Variants in BORCS5 observed in about 807,000 individuals in gnomAD.
BORCS5 encodes BLOC-1-related complex subunit 5.
Under a neutral mutation model 22.1 loss-of-function variants are expected in BORCS5, and 17 were observed. That is an observed-to-expected ratio of 0.77 (90% CI 0.53 to 1.15). The LOEUF is 1.15. Among genes scored for constraint, BORCS5 ranks in the 50% most tolerant of loss-of-function variants. The probability of loss-of-function intolerance (pLI) is 0.00; values close to 1 mark genes in which losing one functional copy is unlikely to be tolerated. For synonymous variants in BORCS5, 117 were observed against 99.8 expected (o/e 1.17, Z -1.03); for missense variants, 247 against 253.2 (o/e 0.98, Z 0.17).
chr12:12,428,894 C>T (rs1195887138), intron 2 of BORCS5, among the ~76,000 whole-genome samples: 1 of 151,900 alleles, frequency 6.6e-6, no homozygotes, highest in Non-Finnish European at 1.5e-5. Context: ...GCAGAAAAAT[C>T]CTAAGTGTAA....
rs1863417023 is a variant in BORCS5, at chr12:12,366,846, T to G, written c.202+5497T>G. Among the ~76,000 whole-genome samples the G allele has an allele frequency of 2.0e-5, 3 of 152,238 alleles. No homozygotes were observed. In the South Asian group the frequency reaches 6.2e-4, roughly 31 times the overall value. ...ATATGTGCATATTTACACACATGCATGCATGTGACATTCTTTCCAACCGAT... is the reference window on the plus strand; with the variant it reads ...ATATGTGCATATTTACACACATGCAGGCATGTGACATTCTTTCCAACCGAT... On this transcript the variant is annotated intron_variant, in intron 2 of 3. Transcript: ENST00000314565.
At chr12:12,362,936 G>T (rs1863323828) in intron 2 of BORCS5, among the ~76,000 whole-genome samples, 1 of 151,740 alleles carries the variant, frequency 6.6e-6, no homozygotes, top group Non-Finnish European at 1.5e-5. Flanking sequence ...CAGGCGTGAG[G>T]CACCTTGCAT....
chr12:12,448,446 C>T (rs1293312174), intron 3 of BORCS5, among the ~76,000 whole-genome samples: 2 of 152,076 alleles, frequency 1.3e-5, no homozygotes, highest in African/African-American at 2.4e-5. Flanking sequence ...AACTCCTGAC[C>T]TCAGTTGATC....
At chr12:12,404,491 T>G (rs1317245548) in intron 2 of BORCS5, among the ~76,000 whole-genome samples, 1 of 152,076 alleles carries the variant, frequency 6.6e-6, no homozygotes. Context: ...GGGCAGCTAA[T>G]CCCATTTACC....
chr12:12,385,056 C>T (rs1175246196), intron 2 of BORCS5, among the ~76,000 whole-genome samples: 2 of 151,546 alleles, frequency 1.3e-5, no homozygotes, highest in Non-Finnish European at 3.0e-5. Context: ...AATGGCTCTG[C>T]GTGGCAGGGT....
At position 12,427,683 on chromosome 12, in the gene BORCS5, C is replaced by T. The variant is rs142011030; in HGVS notation, c.203-7945C>T. 1.6e-3 allele frequency among the ~76,000 whole-genome samples: 238 copies of T among 152,302 alleles called. No homozygotes were observed. The East Asian group carries it at 0.033, about 21-fold the overall frequency. On this transcript the variant is annotated intron_variant, in intron 2 of 3. Coordinates refer to ENST00000314565, the MANE Select transcript of BORCS5 (RefSeq NM_058169.6). The stretch of plus-strand genomic sequence containing the variant: ...TAAACCGGGTGGCTTAAACAGCAAG[C>T]ATTTATCTCTGATAGTTCTGGTGGC...
intron 2 of BORCS5, among the ~76,000 whole-genome samples, chr12:12,423,629 T>C (rs565142759): frequency 2.0e-5 from 3 of 152,084 alleles, no homozygotes; most frequent in Admixed American, 1.3e-4. Flanking sequence ...GATAATCTTA[T>C]TAAGGTTCCC....
intron 2 of BORCS5, among the ~76,000 whole-genome samples, chr12:12,398,654 G>A (rs1424658084): frequency 6.6e-6 from 1 of 152,108 alleles, no homozygotes; most frequent in Non-Finnish European, 1.5e-5. Context: ...CTGGAATACA[G>A]TGCTATCAAA....
In BORCS5 at chr12:12,465,830, C is replaced by T. The variant is rs569148759; in HGVS notation, c.*54C>T. On this transcript the variant is annotated 3_prime_UTR_variant, in exon 4 of 4. Transcript: ENST00000314565. Reference sequence around the variant, plus strand: ...GCCCCAGACACCGACACCCTGAGGACGTGTGGAGCTAAGGTCATATCATCT... The same window carrying T: ...GCCCCAGACACCGACACCCTGAGGATGTGTGGAGCTAAGGTCATATCATCT... 4.9e-5 allele frequency: 72 copies of T among 1,468,250 alleles called. No homozygotes were observed. The African/African-American group carries it at 5.1e-4, about 10-fold the overall frequency. The allele number at this position is 1,468,250 out of a possible 1,614,324, so 91.0% of individuals were successfully genotyped here.
intron 2 of BORCS5, among the ~76,000 whole-genome samples, chr12:12,370,955 T>A (rs1232474165): frequency 6.6e-6 from 1 of 152,132 alleles, no homozygotes; most frequent in African/African-American, 2.4e-5. Flanking sequence ...TTCACTGTGT[T>A]AGCCAGGGTG....
At chr12:12,358,414 G>A (rs1281261642) in intron 1 of BORCS5, among the ~76,000 whole-genome samples, 1 of 152,230 alleles carries the variant, frequency 6.6e-6, no homozygotes, top group Non-Finnish European at 1.5e-5. Flanking sequence ...ACATTCTGGG[G>A]ACTGGATTGG....
rs900921850 is a variant in BORCS5, at chr12:12,435,685, A to C, written c.260A>C (p.Gln87Pro). 2.5e-6 allele frequency: 4 copies of C among 1,614,008 alleles called. No individual in the cohort carries two copies. Among genetic ancestry groups the C allele is most frequent in the Non-Finnish European group, 3.4e-6 (4 of 1,180,018 alleles). ...GCCAAATTGGAGAAACTGGACTCTC[A>C]GCAGGTGTTGCAGCTCTGCCTCCGA... is the stretch of plus-strand genomic sequence containing the variant. The part of the protein sequence containing the change: ...TNAKLEKLDS[Q>P]QVLQLCLRYQ... Residue 87 changes from glutamine to proline, a missense_variant, in exon 3 of 4, where the codon CAG (glutamine) becomes CCG (proline). Physicochemically the swap from Gln to Pro is moderately conservative, Grantham distance 76. Coordinates refer to ENST00000314565, the MANE Select transcript of BORCS5 (RefSeq NM_058169.6).
rs573853353 is a variant in BORCS5, at chr12:12,357,504, C to G, written c.53C>G (p.Ser18Cys). The change falls in exon 1 of 4, where the codon TCC (serine) becomes TGC (cysteine). Residue 18 changes from serine to cysteine, a missense_variant. By Grantham distance (112) the Ser-to-Cys change is moderately radical (BLOSUM62 -1). Coordinates refer to ENST00000314565, the MANE Select transcript of BORCS5 (RefSeq NM_058169.6). Reference sequence around the variant, plus strand: ...GAGAGCCGACCCAACGATCTGAACTCCTCAGGTCGGTGTCCTAACCTCCCA... The same window carrying G: ...GAGAGCCGACCCAACGATCTGAACTGCTCAGGTCGGTGTCCTAACCTCCCA... ...EAESRPNDLN[S>C]SVTPSPAKHR... The G allele has an allele frequency of 1.9e-6, 3 of 1,609,252 alleles. No individual in the cohort carries two copies. Among genetic ancestry groups the G allele is most frequent in the Admixed American group, 1.7e-5 (1 of 59,922 alleles).
intron 2 of BORCS5, among the ~76,000 whole-genome samples, chr12:12,383,776 T>G (rs1863823390): frequency 6.6e-6 from 1 of 151,160 alleles, no homozygotes. Context: ...TTCCATAGTT[T>G]GTGATAAGTC....
Position 12,357,210 on chromosome 12 carries a change from C to T in BORCS5, c.-242C>T. 1.3e-6 allele frequency: 2 copies of T among 1,490,088 alleles called. No homozygotes were observed. Among genetic ancestry groups the T allele is most frequent in the Non-Finnish European group, 1.8e-6 (2 of 1,123,852 alleles). The allele number at this position is 1,490,088 out of a possible 1,614,324, so 92.3% of individuals were successfully genotyped here. ...TTAGGGCTCCCGGAAAGAAGGAGGG[C>T]TAGCCGCGTGCGTTCGCGCCGCGCC... On this transcript the variant is annotated 5_prime_UTR_variant, in exon 1 of 4. Transcript: ENST00000314565.
At chr12:12,445,125 C>T (rs997877658) in intron 3 of BORCS5, among the ~76,000 whole-genome samples, 1 of 152,154 alleles carries the variant, frequency 6.6e-6, no homozygotes, top group African/African-American at 2.4e-5. Flanking sequence ...CTTCCGGTAG[C>T]CTCAAACTCC....
At chr12:12,453,247 G>A (rs193127876) in intron 3 of BORCS5, among the ~76,000 whole-genome samples, 6 of 152,312 alleles carry the variant, frequency 3.9e-5, no homozygotes, top group African/African-American at 1.4e-4. Flanking sequence ...AATGCTGTCA[G>A]TATGAGTCCA....
Position 12,413,812 on chromosome 12 carries a change from C to T in BORCS5, c.203-21816C>T, listed in dbSNP as rs1458671755. On this transcript the variant is annotated intron_variant, in intron 2 of 3. Coordinates refer to ENST00000314565, the MANE Select transcript of BORCS5 (RefSeq NM_058169.6). ...GCAGAGGCGCCCCTCACCTCCCGGA[C>T]GGGGCGGCTGGCCAGGCGGGGGGCT... Among the ~76,000 whole-genome samples, 25 of 68,108 alleles carry T rather than the reference C, an allele frequency of 3.7e-4. 1 individual carries two copies. The highest frequency in any genetic ancestry group is 1.2e-3 in the African/African-American group (13 of 11,102). 44.7% of individuals were successfully genotyped at this position (68,108 alleles called of 152,430 possible).
chr12:12,435,240 G>A (rs1942529211), intron 2 of BORCS5, among the ~76,000 whole-genome samples: 4 of 151,954 alleles, frequency 2.6e-5, no homozygotes, highest in Admixed American at 2.6e-4. Flanking sequence ...AATTAATAAG[G>A]GATTTATATT....
Sources: allele counts gnomAD v4.1 joint callset (sites outside exome capture counted in the v4.1 genomes callset), GRCh38; gene constraint gnomAD v4.1.1; transcripts MANE v1.5; gene names NCBI Gene and HGNC (gene_info 2026-07-23, HGNC 2026-07-21).